The following RBFOX1 variants were observed in gnomAD, a reference collection of about 807,000 sequenced individuals.
RBFOX1 encodes the protein RNA binding fox-1 homolog 1.
In RBFOX1, 8 loss-of-function variants were observed where a neutral mutation model predicts 57.7. The observed-to-expected ratio is 0.14, with a 90% CI of 0.08 to 0.25. The LOEUF (loss-of-function observed/expected upper bound fraction) is 0.25. Among genes scored for constraint, RBFOX1 ranks in the 10% least tolerant of loss-of-function variants. RBFOX1 has a pLI of 1.00. For synonymous variants in RBFOX1, 326 were observed against 222.4 expected, an observed-to-expected ratio of 1.47 and a Z score of -4.15; for missense variants, 611 against 548.5, an observed-to-expected ratio of 1.11 and a Z score of -1.14.
chr16:5,919,999 C>T (rs1017382363), intron 4 of RBFOX1, among the ~76,000 whole-genome samples: 6 of 152,076 alleles, frequency 3.9e-5, no homozygotes, highest in African/African-American at 1.2e-4. Flanking sequence ...AGTGCAGTGG[C>T]GCGATCTCAC....
At chr16:7,001,979 G>A (rs1245872085) in intron 3 of RBFOX1, among the ~76,000 whole-genome samples, 1 of 152,134 alleles carries the variant, frequency 6.6e-6, no homozygotes, top group African/African-American at 2.4e-5. Flanking sequence ...GAGCACGTGA[G>A]TGAACTCCTG....
chr16:7,253,275 C>A (rs1363878210), intron 4 of RBFOX1, among the ~76,000 whole-genome samples: 1 of 152,324 alleles, frequency 6.6e-6, no homozygotes, highest in African/African-American at 2.4e-5. Flanking sequence ...ACAAATCATT[C>A]TGTCAGTTCT....
intron 3 of RBFOX1, among the ~76,000 whole-genome samples, chr16:6,758,475 C>T (rs184647816): frequency 5.9e-5 from 9 of 152,168 alleles, no homozygotes; most frequent in Admixed American, 5.9e-4. Context: ...TTAGACAGAG[C>T]CTTGGCACTG....
intron 2 of RBFOX1, among the ~76,000 whole-genome samples, chr16:6,575,158 C>A (rs535140166): frequency 6.6e-6 from 1 of 152,144 alleles, no homozygotes; most frequent in Non-Finnish European, 1.5e-5. Flanking sequence ...TGTTTGAAAT[C>A]TGCCTTTAGA....
At chr16:7,520,465 C>T (rs1348969876) in intron 5 of RBFOX1, among the ~76,000 whole-genome samples, 1 of 152,166 alleles carries the variant, frequency 6.6e-6, no homozygotes, top group Non-Finnish European at 1.5e-5. Context: ...ACCAATCTGC[C>T]TTGGAGATAG....
chr16:7,531,363 A>T (rs11648970), intron 5 of RBFOX1, among the ~76,000 whole-genome samples: 6,252 of 152,266 alleles, frequency 0.041, 191 homozygotes, highest in East Asian at 0.13. Context: ...CTGGGTACCC[A>T]GTGGAAATGG....
chr16:5,925,892 T>G (rs2152237952), intron 4 of RBFOX1, among the ~76,000 whole-genome samples: 1 of 152,200 alleles, frequency 6.6e-6, no homozygotes, highest in Non-Finnish European at 1.5e-5. Context: ...CTACCACAAA[T>G]CGAACTTCTA....
intron 3 of RBFOX1, among the ~76,000 whole-genome samples, chr16:5,852,196 C>T (rs2056914099): frequency 6.6e-6 from 1 of 152,168 alleles, no homozygotes; most frequent in African/African-American, 2.4e-5. Context: ...CAAGATCGTG[C>T]CTTCAAGTTC....
At chr16:7,289,577 G>A (rs111711998) in intron 4 of RBFOX1, among the ~76,000 whole-genome samples, 4,692 of 151,922 alleles carry the variant, frequency 0.031, 134 homozygotes, top group East Asian at 0.13. Context: ...ATGATTATCA[G>A]TGCCATCATT....
At chr16:6,869,453 T>TC (rs1333859396) in intron 3 of RBFOX1, among the ~76,000 whole-genome samples, 20 of 129,604 alleles carry the variant, frequency 1.5e-4, no homozygotes, top group African/African-American at 6.3e-4. Context: ...AGGAAGGAGT[T>TC]CCCTTACTGT....
At chr16:6,978,046 C>T (rs2087580730) in intron 3 of RBFOX1, among the ~76,000 whole-genome samples, 1 of 149,728 alleles carries the variant, frequency 6.7e-6, no homozygotes, top group Non-Finnish European at 1.5e-5. Flanking sequence ...GCCCCGCCCT[C>T]CCTCTAACCT....
At chr16:5,257,422 C>T (rs558832696) in intron 1 of RBFOX1, among the ~76,000 whole-genome samples, 6 of 152,300 alleles carry the variant, frequency 3.9e-5, no homozygotes, top group African/African-American at 7.2e-5. Context: ...TTGCTGTAAA[C>T]GTGCAGGAGG....
intron 3 of RBFOX1, among the ~76,000 whole-genome samples, chr16:5,616,658 C>T (rs2048034551): frequency 7.6e-6 from 1 of 131,318 alleles, no homozygotes; most frequent in Admixed American, 7.5e-5. Context: ...TCCTCTGCTT[C>T]CTCCCCCTCA....
chr16:6,760,997 C>G (rs75291109), intron 3 of RBFOX1, among the ~76,000 whole-genome samples: 1 of 152,316 alleles, frequency 6.6e-6, no homozygotes, highest in East Asian at 1.9e-4. Flanking sequence ...ACTGAGCCAT[C>G]TTTCCAATTA....
intron 4 of RBFOX1, among the ~76,000 whole-genome samples, chr16:7,516,740 A>G (rs996151782): frequency 1.3e-5 from 2 of 152,194 alleles, no homozygotes; most frequent in East Asian, 3.8e-4. Flanking sequence ...AACTTATCCT[A>G]AGCTTAGTTC....
intron 3 of RBFOX1, among the ~76,000 whole-genome samples, chr16:6,783,232 C>G (rs1383614846): frequency 2.0e-5 from 3 of 151,382 alleles, no homozygotes; most frequent in African/African-American, 7.3e-5. Context: ...CGTTTACACT[C>G]ATTGTTATTA....
chr16:6,992,668 T>C (rs1054987802), intron 3 of RBFOX1, among the ~76,000 whole-genome samples: 4 of 152,154 alleles, frequency 2.6e-5, no homozygotes, highest in African/African-American at 9.7e-5. Context: ...TTCAACCATA[T>C]TCTGTTAGAG....
intron 4 of RBFOX1, among the ~76,000 whole-genome samples, chr16:7,485,320 G>T (rs1161138852): frequency 6.6e-6 from 1 of 152,126 alleles, no homozygotes; most frequent in Admixed American, 6.5e-5. Context: ...TTAATGCTTT[G>T]CCTTGCTATG....
intron 4 of RBFOX1, among the ~76,000 whole-genome samples, chr16:7,368,853 G>A (rs1434400581): frequency 6.6e-6 from 1 of 152,012 alleles, no homozygotes; most frequent in African/African-American, 2.4e-5. Context: ...GGTGAGAAAA[G>A]CAAGCCAGAC....
Sources: gnomAD v4.1 joint callset for allele counts (sites outside exome capture counted in the v4.1 genomes callset) on GRCh38, gnomAD v4.1.1 for gene constraint, MANE v1.5 for transcripts, NCBI Gene and HGNC (gene_info 2026-07-23, HGNC 2026-07-21) for gene names.